AUTS2: variants seen among roughly 807,000 people sequenced by gnomAD.
AUTS2 encodes activator of transcription and developmental regulator AUTS2.
A neutral mutation model predicts 112.4 loss-of-function variants in AUTS2; 17 were observed. The observed-to-expected ratio is 0.15, with a 90% CI of 0.10 to 0.23. The LOEUF (loss-of-function observed/expected upper bound fraction) is 0.23. Ranked by LOEUF, AUTS2 falls within the 10% of genes least tolerant of loss-of-function variation. The pLI is 1.00. For synonymous variants in AUTS2, 751 were observed against 702.7 expected (o/e 1.07, Z -1.09); for missense variants, 1,510 against 1,701.6 (o/e 0.89, Z 1.98).
intron 1 of AUTS2, among the ~76,000 whole-genome samples, chr7:69,838,648 AT>A (rs1791831754): frequency 6.6e-6 from 1 of 152,128 alleles, no homozygotes; most frequent in African/African-American, 2.4e-5. Context: ...GCTGAACTAT[AT>A]TTGTTATTTA....
chr7:69,984,397 ACT>A (rs1798421898), intron 2 of AUTS2, among the ~76,000 whole-genome samples: 1 of 127,458 alleles, frequency 7.8e-6, no homozygotes, highest in Non-Finnish European at 1.6e-5. Flanking sequence ...ACAGAGTGAG[ACT>A]CTGTCTCAAA....
chr7:70,684,322 C>T (rs1808348961), intron 5 of AUTS2, among the ~76,000 whole-genome samples: 1 of 152,162 alleles, frequency 6.6e-6, no homozygotes, highest in Admixed American at 6.5e-5. Context: ...ATCTTTCAAA[C>T]CACAAAACCT....
At chr7:70,510,209 G>C (rs900890713) in intron 5 of AUTS2, among the ~76,000 whole-genome samples, 1 of 152,190 alleles carries the variant, frequency 6.6e-6, no homozygotes, top group African/African-American at 2.4e-5. Context: ...GACAGCCACA[G>C]CTTCCTCTGC....
At chr7:70,532,315 T>C (rs1800130812) in intron 5 of AUTS2, among the ~76,000 whole-genome samples, 1 of 152,178 alleles carries the variant, frequency 6.6e-6, no homozygotes, top group African/African-American at 2.4e-5. Context: ...AGCCATTACT[T>C]CAACAATCTC....
chr7:70,622,657 A>G (rs1340023437), intron 5 of AUTS2, among the ~76,000 whole-genome samples: 1 of 152,196 alleles, frequency 6.6e-6, no homozygotes, highest in African/African-American at 2.4e-5. Context: ...TTTTCCCCTG[A>G]AATCAGCTTT....
intron 2 of AUTS2, among the ~76,000 whole-genome samples, chr7:69,951,897 CT>C (rs1213403432): frequency 6.6e-6 from 1 of 152,122 alleles, no homozygotes; most frequent in African/African-American, 2.4e-5. Flanking sequence ...GCTTCTTCCC[CT>C]GGCTCAAAAT....
chr7:70,417,655 C>T (rs1458106808), intron 4 of AUTS2, among the ~76,000 whole-genome samples: 4 of 152,146 alleles, frequency 2.6e-5, no homozygotes, highest in Non-Finnish European at 4.4e-5. Context: ...GGGAGACAGG[C>T]GTGAGCTGCC....
chr7:69,911,855 C>T (rs997537086), intron 2 of AUTS2, among the ~76,000 whole-genome samples: 11 of 152,164 alleles, frequency 7.2e-5, no homozygotes, highest in Non-Finnish European at 1.2e-4. Context: ...CAGACTCCAC[C>T]GGGAACTGGC....
At chr7:69,838,348 G>A (rs1791818210) in intron 1 of AUTS2, among the ~76,000 whole-genome samples, 1 of 152,166 alleles carries the variant, frequency 6.6e-6, no homozygotes, top group African/African-American at 2.4e-5. Context: ...CAATGGTTAA[G>A]CCAGACACTG....
intron 5 of AUTS2, among the ~76,000 whole-genome samples, chr7:70,632,419 C>T (rs1022469757): frequency 6.6e-6 from 1 of 152,140 alleles, no homozygotes; most frequent in South Asian, 2.1e-4. Flanking sequence ...GCTCATTCTT[C>T]GTGGGCTCCA....
intron 1 of AUTS2, among the ~76,000 whole-genome samples, chr7:69,878,304 A>T (rs1224179525): frequency 6.6e-6 from 1 of 152,192 alleles, no homozygotes; most frequent in African/African-American, 2.4e-5. Context: ...GACTGGCCAC[A>T]TCCCAAAACC....
intron 2 of AUTS2, among the ~76,000 whole-genome samples, chr7:70,106,978 A>G (rs142515472): frequency 2.6e-4 from 39 of 152,272 alleles, no homozygotes; most frequent in African/African-American, 8.7e-4. Context: ...TCCAAATTAC[A>G]TAAAAGTGGC....
intron 2 of AUTS2, among the ~76,000 whole-genome samples, chr7:69,901,425 A>G (rs995961631): frequency 1.3e-5 from 2 of 152,002 alleles, no homozygotes; most frequent in Non-Finnish European, 2.9e-5. Context: ...TATTCTTTGT[A>G]TTTCTTTCTA....
At chr7:70,487,557 CA>C (rs1798061458) in intron 5 of AUTS2, among the ~76,000 whole-genome samples, 1 of 152,198 alleles carries the variant, frequency 6.6e-6, no homozygotes, top group South Asian at 2.1e-4. Flanking sequence ...CTACTGCAGA[CA>C]GCCTAATGGA....
At chr7:70,601,769 G>T (rs1270769460) in intron 5 of AUTS2, among the ~76,000 whole-genome samples, 1 of 152,110 alleles carries the variant, frequency 6.6e-6, no homozygotes, top group Non-Finnish European at 1.5e-5. Flanking sequence ...GATCTCAGGA[G>T]CCCAAGATTT....
intron 1 of AUTS2, among the ~76,000 whole-genome samples, chr7:69,789,954 T>C (rs1247662410): frequency 6.6e-6 from 1 of 152,120 alleles, no homozygotes; most frequent in African/African-American, 2.4e-5. Context: ...TTTTTCAACT[T>C]TGAAGAACTA....
intron 5 of AUTS2, among the ~76,000 whole-genome samples, chr7:70,642,154 A>G (rs1325921029): frequency 6.6e-6 from 1 of 152,202 alleles, no homozygotes; most frequent in Non-Finnish European, 1.5e-5. Flanking sequence ...TATTATAAGG[A>G]GTTGACCATT....
chr7:69,804,117 G>A (rs1458064352), intron 1 of AUTS2, among the ~76,000 whole-genome samples: 2 of 152,176 alleles, frequency 1.3e-5, no homozygotes, highest in African/African-American at 2.4e-5. Context: ...CTAAGAAAAT[G>A]TAGATTGTGA....
intron 1 of AUTS2, among the ~76,000 whole-genome samples, chr7:69,724,461 C>G (rs1407586791): frequency 2.0e-5 from 3 of 151,922 alleles, no homozygotes; most frequent in African/African-American, 7.3e-5. Flanking sequence ...TCCTTTTTTC[C>G]CTACAAATGA....
Sources: allele counts gnomAD v4.1 joint callset (sites outside exome capture counted in the v4.1 genomes callset), GRCh38; gene constraint gnomAD v4.1.1; transcripts MANE v1.5; gene names NCBI Gene and HGNC (gene_info 2026-07-23, HGNC 2026-07-21).